Variants in DGKB observed in about 807,000 individuals in gnomAD.
DGKB encodes 90 kDa diacylglycerol kinase.
A neutral mutation model predicts 114.3 loss-of-function variants in DGKB; 67 were observed. The ratio of observed to expected loss-of-function variants is 0.59; its 90% CI spans 0.48 to 0.72. The LOEUF is 0.72. DGKB is among the 30% of genes least tolerant of loss of function. The pLI is 0.00. For synonymous variants in DGKB, 398 were observed against 323.1 expected, an observed-to-expected ratio of 1.23 and a Z score of -2.49; for missense variants, 907 against 975.2, an observed-to-expected ratio of 0.93 and a Z score of 0.93.
intron 20 of DGKB, among the ~76,000 whole-genome samples, chr7:14,540,252 T>C (rs1584682968): frequency 6.6e-6 from 1 of 152,150 alleles, no homozygotes; most frequent in Non-Finnish European, 1.5e-5. Flanking sequence ...ATATTTACTA[T>C]AAAGATGCAA....
chr7:14,495,260 A>C lies in DGKB; in HGVS notation c.1771-17035T>G, dbSNP rs1026145353. On this transcript the variant is annotated intron_variant, in intron 20 of 25. Transcript: ENST00000402815. ...ATAATGGTCAACAAATGGCTCTTTT[A>C]AAATGCATTATTTGTCACTAAATAC... Among the ~76,000 whole-genome samples, 2 of 151,928 alleles carry C rather than the reference A, an allele frequency of 1.3e-5. 1 individual carries two copies. The highest frequency in any genetic ancestry group is 3.9e-4 in the East Asian group (2 of 5,180).
At chr7:14,307,980 A>G (rs983790692) in intron 23 of DGKB, among the ~76,000 whole-genome samples, 40 of 152,132 alleles carry the variant, frequency 2.6e-4, no homozygotes, top group African/African-American at 9.6e-4. Flanking sequence ...TTTTTAAATA[A>G]AAAGTTTTGA....
chr7:14,545,358 G>T (rs147830242), intron 20 of DGKB, among the ~76,000 whole-genome samples: 326 of 152,204 alleles, frequency 2.1e-3, no homozygotes, highest in African/African-American at 7.2e-3. Flanking sequence ...AATCAAACAG[G>T]TAAGAATCCA....
intron 23 of DGKB, among the ~76,000 whole-genome samples, chr7:14,283,168 C>T (rs1475576347): frequency 1.3e-5 from 2 of 151,764 alleles, no homozygotes; most frequent in African/African-American, 2.4e-5. Context: ...AGCAAAGTCT[C>T]AGCATACAAA....
At chr7:14,847,527 T>A (rs571638580) in intron 1 of DGKB, among the ~76,000 whole-genome samples, 1 of 152,168 alleles carries the variant, frequency 6.6e-6, no homozygotes. Flanking sequence ...AAGTCTAAAT[T>A]TGAGACCCAA....
chr7:14,226,099 C>T (rs1409744730), intron 23 of DGKB, among the ~76,000 whole-genome samples: 2 of 151,732 alleles, frequency 1.3e-5, no homozygotes, highest in African/African-American at 2.4e-5. Context: ...AATGTCCAAT[C>T]ACATAATAAA....
At chr7:14,221,454 A>C (rs1460351779) in intron 23 of DGKB, among the ~76,000 whole-genome samples, 1 of 151,186 alleles carries the variant, frequency 6.6e-6, no homozygotes, top group Non-Finnish European at 1.5e-5. Flanking sequence ...TTTTTATTCT[A>C]TTGCTATAGT....
At chr7:14,182,223 ATTT>A (rs201533539) in intron 23 of DGKB, among the ~76,000 whole-genome samples, 5 of 151,712 alleles carry the variant, frequency 3.3e-5, no homozygotes, top group African/African-American at 2.4e-5. Flanking sequence ...ATTAAATTTT[ATTT>A]TTTTTATTTT....
At chr7:14,167,867 T>C (rs932376201) in intron 25 of DGKB, among the ~76,000 whole-genome samples, 19 of 152,132 alleles carry the variant, frequency 1.2e-4, no homozygotes, top group African/African-American at 3.9e-4. Context: ...GAATTGAAAA[T>C]ACCTAGAGTC....
chr7:14,671,729 T>C (rs1383792375), intron 13 of DGKB, among the ~76,000 whole-genome samples: 1 of 152,066 alleles, frequency 6.6e-6, no homozygotes, highest in Admixed American at 6.6e-5. Flanking sequence ...AGAGTTAAAA[T>C]CTGAGATCAA....
Position 14,834,770 on chromosome 7 carries a change from C to T in DGKB, c.70+6424G>A, listed in dbSNP as rs115960171. Among the ~76,000 whole-genome samples, 1,148 of 152,294 alleles carry T rather than the reference C, an allele frequency of 7.5e-3. 18 individuals carry two copies. Among genetic ancestry groups the T allele is most frequent in the African/African-American group, 0.027 (1,102 of 41,576 alleles). ...ACTTTGACCAACATTCCACAGATGC[C>T]ATTACTTCAGTATCAATGTTTGCTT... On this transcript the variant is annotated intron_variant, in intron 2 of 25. Transcript: ENST00000402815.
intron 2 of DGKB, among the ~76,000 whole-genome samples, chr7:14,759,044 C>A (rs938916926): frequency 6.6e-6 from 1 of 152,154 alleles, no homozygotes; most frequent in African/African-American, 2.4e-5. Context: ...CCTGCCTCAG[C>A]CTCCCAAGTA....
At chr7:14,385,942 T>G (rs1820271684) in intron 21 of DGKB, among the ~76,000 whole-genome samples, 1 of 152,230 alleles carries the variant, frequency 6.6e-6, no homozygotes, top group Non-Finnish European at 1.5e-5. Context: ...TACTACAGCT[T>G]GTTGTCTTCA....
chr7:14,844,518 C>A (rs1196617420), intron 1 of DGKB, among the ~76,000 whole-genome samples: 1 of 152,074 alleles, frequency 6.6e-6, no homozygotes, highest in Non-Finnish European at 1.5e-5. Flanking sequence ...AAAAGGACTA[C>A]AAAAAAACCC....
intron 20 of DGKB, among the ~76,000 whole-genome samples, chr7:14,566,784 A>C (rs1409276455): frequency 6.6e-6 from 1 of 151,972 alleles, no homozygotes. Flanking sequence ...TCTTACCTCA[A>C]GTCTTTCACA....
chr7:14,737,892 CAAAAAAA>C (rs72307217), intron 4 of DGKB, among the ~76,000 whole-genome samples: 1 of 104,600 alleles, frequency 9.6e-6, no homozygotes, highest in Non-Finnish European at 2.2e-5. Context: ...GACTCCGTCT[CAAAAAAA>C]AAAAAAAAAA....
At chr7:14,939,603 T>C (rs1047069871) in intron 1 of DGKB, among the ~76,000 whole-genome samples, 3 of 150,678 alleles carry the variant, frequency 2.0e-5, no homozygotes, top group Non-Finnish European at 4.4e-5. Context: ...ATGAAACTGC[T>C]ATCATGAAAA....
At chr7:14,202,604 A>G (rs1431319236) in intron 23 of DGKB, among the ~76,000 whole-genome samples, 1 of 152,050 alleles carries the variant, frequency 6.6e-6, no homozygotes, top group Non-Finnish European at 1.5e-5. Flanking sequence ...GTATAAATAA[A>G]TTAGAACCAA....
intron 23 of DGKB, among the ~76,000 whole-genome samples, chr7:14,247,884 C>T (rs1794709343): frequency 6.6e-6 from 1 of 151,868 alleles, no homozygotes; most frequent in African/African-American, 2.4e-5. Flanking sequence ...GTTTTTGTCG[C>T]CCGTACTTTT....
Sources: allele counts gnomAD v4.1 joint callset (sites outside exome capture counted in the v4.1 genomes callset), GRCh38; gene constraint gnomAD v4.1.1; transcripts MANE v1.5; gene names NCBI Gene and HGNC (gene_info 2026-07-23, HGNC 2026-07-21).